Variants in CUL5 observed in about 807,000 individuals in gnomAD.
The protein encoded by CUL5 is cullin-5.
CUL5 carries 26 observed loss-of-function variants against 108.8 expected under a neutral mutation model. The ratio of observed to expected loss-of-function variants is 0.24; its 90% confidence interval spans 0.18 to 0.33. The LOEUF is 0.33. CUL5 is among the 10% of genes least tolerant of loss of function. The pLI, the probability that CUL5 is intolerant of heterozygous loss-of-function variation, is 1.00. For missense variants in CUL5, 524 were observed against 909.2 expected, an observed-to-expected ratio of 0.58 and a Z score of 5.45; for synonymous variants, 334 against 298.0, an observed-to-expected ratio of 1.12 and a Z score of -1.25.
chr11:108,074,225 G>A (rs1246198938), intron 10 of CUL5, among the ~76,000 whole-genome samples: 1 of 114,034 alleles, frequency 8.8e-6, no homozygotes, highest in Non-Finnish European at 1.7e-5. Context: ...ACTGAGTTTC[G>A]CTCTTGTTGC....
intron 1 of CUL5, among the ~76,000 whole-genome samples, chr11:108,013,517 A>G (rs1862105681): frequency 6.6e-6 from 1 of 151,868 alleles, no homozygotes; most frequent in Non-Finnish European, 1.5e-5. Flanking sequence ...GTGCGTACAC[A>G]CTCCTACTTA....
At chr11:108,096,094 C>T (rs12277112) in intron 16 of CUL5, among the ~76,000 whole-genome samples, 6 of 144,862 alleles carry the variant, frequency 4.1e-5, no homozygotes, top group African/African-American at 1.5e-4. Context: ...AGAACTCCGT[C>T]TGAAAAAAAA....
chr11:108,031,356 C>T (rs544593093), intron 1 of CUL5, among the ~76,000 whole-genome samples: 173 of 71,120 alleles, frequency 2.4e-3, no homozygotes, highest in African/African-American at 8.4e-3. Context: ...CAGAACGAGA[C>T]TCTGTCTCAA....
intron 7 of CUL5, among the ~76,000 whole-genome samples, chr11:108,057,111 C>T (rs927736810): frequency 7.2e-5 from 11 of 152,196 alleles, no homozygotes; most frequent in Non-Finnish European, 1.3e-4. Context: ...CCACATTAAA[C>T]TTATGAACTT....
intron 13 of CUL5, among the ~76,000 whole-genome samples, chr11:108,092,237 G>T (rs1423809239): frequency 1.3e-5 from 2 of 152,206 alleles, no homozygotes; most frequent in East Asian, 3.9e-4. Context: ...GGAGAAATTG[G>T]AACCTTCGTA....
At chr11:108,092,778 T>C (rs957110726) in intron 13 of CUL5, among the ~76,000 whole-genome samples, 2 of 152,176 alleles carry the variant, frequency 1.3e-5, no homozygotes, top group East Asian at 1.9e-4. Flanking sequence ...TCTGTAGATA[T>C]ACTAAACTTC....
At position 108,008,976 on chromosome 11, in the gene CUL5, A is replaced by T; in HGVS notation, c.-373A>T. ...GCCTAAGCCGAGCTAAATTCGTTGCAGGTGGCCGCGGCGGGTGCAACCACA... is the reference window on the plus strand; with the variant it reads ...GCCTAAGCCGAGCTAAATTCGTTGCTGGTGGCCGCGGCGGGTGCAACCACA... On this transcript the variant is annotated 5_prime_UTR_variant, in exon 1 of 19. Coordinates refer to ENST00000393094, the MANE Select transcript of CUL5 (RefSeq NM_003478.6). The T allele has an allele frequency of 1.3e-5, 3 of 239,890 alleles. No individual in the cohort carries two copies. The highest frequency in any genetic ancestry group is 1.6e-5 in the Non-Finnish European group (2 of 123,626). 14.9% of individuals were successfully genotyped at this position (239,890 alleles called of 1,614,324 possible).
At chr11:108,022,959 C>G (rs1043187019) in intron 1 of CUL5, among the ~76,000 whole-genome samples, 3 of 152,100 alleles carry the variant, frequency 2.0e-5, no homozygotes, top group Non-Finnish European at 4.4e-5. Context: ...TTAGAAATAT[C>G]CTTTCCTGGC....
chr11:108,047,301 G>A (rs1304565318), intron 3 of CUL5, among the ~76,000 whole-genome samples: 1 of 152,100 alleles, frequency 6.6e-6, no homozygotes, highest in Non-Finnish European at 1.5e-5. Flanking sequence ...GGGCAGCAGA[G>A]TGAGACCCTG....
At chr11:108,067,795 T>G (rs1863722614) in intron 7 of CUL5, among the ~76,000 whole-genome samples, 1 of 152,230 alleles carries the variant, frequency 6.6e-6, no homozygotes, top group South Asian at 2.1e-4. Context: ...CTGCTTAAGG[T>G]GGAAGTGTTT....
chr11:108,050,112 G>C, intron 4 of CUL5, 46 bp downstream of exon 4: 1 of 1,459,442 alleles, frequency 6.9e-7, no homozygotes, highest in South Asian at 1.4e-5. Flanking sequence ...TTCAGAAAGA[G>C]GGTAATTTGG....
At chr11:108,091,429 AC>A (rs1864357174) in intron 13 of CUL5, among the ~76,000 whole-genome samples, 1 of 151,740 alleles carries the variant, frequency 6.6e-6, no homozygotes, top group Admixed American at 6.6e-5. Flanking sequence ...GGTGGCTCAC[AC>A]CTGTAATCCC....
intron 8 of CUL5, among the ~76,000 whole-genome samples, 167 bp from the exon 9 acceptor site, chr11:108,072,165 T>A (rs967338295): frequency 6.6e-6 from 1 of 152,046 alleles, no homozygotes; most frequent in Non-Finnish European, 1.5e-5. Context: ...GGTGACAGAC[T>A]GGGACCCTGT....
chr11:108,066,599 C>A (rs562704695), intron 7 of CUL5, among the ~76,000 whole-genome samples: 1 of 152,102 alleles, frequency 6.6e-6, no homozygotes, highest in East Asian at 1.9e-4. Flanking sequence ...AATAAAGTAG[C>A]TCAGATCATC....
rs1300713570 is a variant in CUL5, at chr11:108,072,059, G to T, written c.875-273G>T. 6.6e-5 allele frequency among the ~76,000 whole-genome samples: 10 copies of T among 152,108 alleles called. No homozygotes were observed. In the East Asian group the frequency reaches 1.7e-3, roughly 27 times the overall value. On this transcript the variant is annotated intron_variant, in intron 8 of 18. Transcript: ENST00000393094. The stretch of plus-strand genomic sequence containing the variant: ...CCAGGCATGGTGACATGTGCCTGTG[G>T]TCCCAGCTACTCAGGAGGCTGAGAT...
chr11:108,106,666 G>T lies in CUL5; in HGVS notation c.*2282G>T, dbSNP rs1591342704. 4 of 146,252 alleles carry T rather than the reference G, an allele frequency of 2.7e-5. No individual in the cohort carries two copies. The allele number at this position is 146,252 out of a possible 1,614,324, so 9.1% of individuals were successfully genotyped here. On this transcript the variant is annotated 3_prime_UTR_variant, in exon 19 of 19. Coordinates refer to ENST00000393094, the MANE Select transcript of CUL5 (RefSeq NM_003478.6). ...CTTTAAGTAATTTAACAACAGATTT[G>T]CTAATTTAAAAAAAAATGAAAAAAA... is the stretch of plus-strand genomic sequence containing the variant.
At chr11:108,074,225 G>T (rs1246198938) in intron 10 of CUL5, among the ~76,000 whole-genome samples, 1 of 114,034 alleles carries the variant, frequency 8.8e-6, no homozygotes, top group South Asian at 2.6e-4. Context: ...ACTGAGTTTC[G>T]CTCTTGTTGC....
rs987448877 is a variant in CUL5 at position 108,047,628 on chromosome 11, T to C, written c.234+1259T>C. Among the ~76,000 whole-genome samples, 7 of 152,238 alleles carry C rather than the reference T, an allele frequency of 4.6e-5. No homozygotes were observed. In the East Asian group the frequency reaches 1.2e-3, roughly 25 times the overall value. Reference sequence around the variant, plus strand: ...CTTAAGAAATTAAGTGTTTTATTGATAGTTTCTTGACAAATTTTTTAAATT... The same window carrying C: ...CTTAAGAAATTAAGTGTTTTATTGACAGTTTCTTGACAAATTTTTTAAATT... On this transcript the variant is annotated intron_variant, in intron 3 of 18. Transcript: ENST00000393094.
At chr11:108,056,351 T>C (rs1863377543) in intron 7 of CUL5, among the ~76,000 whole-genome samples, 1 of 152,236 alleles carries the variant, frequency 6.6e-6, no homozygotes, top group Non-Finnish European at 1.5e-5. Flanking sequence ...AATTTTTTTT[T>C]ACTTTTGACT....
Sources: gnomAD v4.1 joint callset for allele counts (sites outside exome capture counted in the v4.1 genomes callset) on GRCh38, gnomAD v4.1.1 for gene constraint, MANE v1.5 for transcripts, NCBI Gene and HGNC (gene_info 2026-07-23, HGNC 2026-07-21) for gene names.